BFSP2: variants seen among roughly 807,000 people sequenced by gnomAD.
BFSP2 encodes phakinin.
BFSP2 carries 38 observed loss-of-function variants against 44.9 expected under a neutral mutation model. That is an observed-to-expected ratio of 0.85 (90% CI 0.65 to 1.11). The LOEUF (loss-of-function observed/expected upper bound fraction) is 1.11. Among genes scored for constraint, BFSP2 ranks in the 50% least tolerant of loss-of-function variants. BFSP2 has a pLI of 0.00. For synonymous variants in BFSP2, 197 were observed against 209.9 expected, an observed-to-expected ratio of 0.94 and a Z score of 0.53; for missense variants, 525 against 533.0, an observed-to-expected ratio of 0.99 and a Z score of 0.15.
At chr3:133,448,422 CATTT>C (rs1178550088) in intron 2 of BFSP2, 63 bp from the exon 3 acceptor site, 1 of 1,589,366 alleles carries the variant, frequency 6.3e-7, no homozygotes, top group Non-Finnish European at 8.6e-7. Context: ...CTGTTGGTAA[CATTT>C]ATAATCTGAT....
chr3:133,426,347 C>T (rs2073654328), intron 1 of BFSP2, among the ~76,000 whole-genome samples: 1 of 152,202 alleles, frequency 6.6e-6, no homozygotes, highest in Admixed American at 6.5e-5. Flanking sequence ...ACCTGTCAGG[C>T]ATTGTAAGAG....
intron 1 of BFSP2, among the ~76,000 whole-genome samples, chr3:133,428,225 C>T (rs994248254): frequency 6.6e-6 from 1 of 152,050 alleles, no homozygotes; most frequent in African/African-American, 2.4e-5. Context: ...CTCTTGTGGG[C>T]CACGTAGTAT....
chr3:133,468,183 G>A (rs2699884), intron 5 of BFSP2, among the ~76,000 whole-genome samples: 1 of 151,496 alleles, frequency 6.6e-6, no homozygotes, highest in Non-Finnish European at 1.5e-5. Context: ...TGCCTCCAAA[G>A]AGTTAATGTG....
At chr3:133,459,192 T>G (rs2074040176) in intron 4 of BFSP2, among the ~76,000 whole-genome samples, 1 of 151,830 alleles carries the variant, frequency 6.6e-6, no homozygotes, top group African/African-American at 2.4e-5. Context: ...AAAATGTTTT[T>G]AATTGGTCAG....
rs572154911 is a variant in BFSP2, at chr3:133,402,718, G to C, written c.489+2146G>C. On this transcript the variant is annotated intron_variant, in intron 1 of 6. Transcript: ENST00000302334. ...TGCAGTGGTGCGATCTCAACTCACT[G>C]TAACCTCCACCTCCCGGGTTCAAGC... Among the ~76,000 whole-genome samples, 351 of 148,890 alleles carry C rather than the reference G, an allele frequency of 2.4e-3. 8 individuals are homozygous for C. Among genetic ancestry groups the C allele is most frequent in the Non-Finnish European group, 7.8e-4 (53 of 67,642 alleles).
At chr3:133,448,017 A>G (rs538698521) in intron 2 of BFSP2, among the ~76,000 whole-genome samples, 3 of 152,348 alleles carry the variant, frequency 2.0e-5, no homozygotes, top group East Asian at 3.9e-4. Context: ...CCCTGAAGGC[A>G]TCTGGGTTTG....
chr3:133,442,206 C>G (rs2073852270), intron 1 of BFSP2, among the ~76,000 whole-genome samples: 1 of 152,206 alleles, frequency 6.6e-6, no homozygotes, highest in Admixed American at 6.5e-5. Flanking sequence ...GTGGTGCAAT[C>G]ATAGCTCACT....
chr3:133,425,800 G>GAAATA (rs1340129103), intron 1 of BFSP2, among the ~76,000 whole-genome samples: 68 of 108,944 alleles, frequency 6.2e-4, no homozygotes, highest in African/African-American at 2.1e-3. Flanking sequence ...GAAGGGAAGG[G>GAAATA]AAGAAGGGAA....
intron 5 of BFSP2, among the ~76,000 whole-genome samples, chr3:133,468,412 G>T (rs1000061725): frequency 6.6e-6 from 1 of 152,168 alleles, no homozygotes; most frequent in African/African-American, 2.4e-5. Context: ...TGAATCACTT[G>T]TTCTCTCATT....
intron 6 of BFSP2, among the ~76,000 whole-genome samples, chr3:133,474,492 T>G (rs966700929): frequency 6.6e-6 from 1 of 152,188 alleles, no homozygotes; most frequent in African/African-American, 2.4e-5. Context: ...ATCCAGCTCC[T>G]CTCCAACTGT....
intron 2 of BFSP2, among the ~76,000 whole-genome samples, chr3:133,447,949 G>A (rs932615176): frequency 1.1e-4 from 17 of 152,202 alleles, no homozygotes; most frequent in African/African-American, 4.1e-4. Context: ...GAGCTCACCA[G>A]GTGACTTAAT....
intron 5 of BFSP2, among the ~76,000 whole-genome samples, chr3:133,470,685 A>C (rs2107943973): frequency 6.6e-6 from 1 of 152,330 alleles, no homozygotes; most frequent in South Asian, 2.1e-4. Flanking sequence ...GGCAATCTAC[A>C]CATACCAAGA....
chr3:133,457,153 T>C (rs1263096166), intron 4 of BFSP2, among the ~76,000 whole-genome samples: 1 of 152,242 alleles, frequency 6.6e-6, no homozygotes, highest in Non-Finnish European at 1.5e-5. Flanking sequence ...GCAGGACGCC[T>C]GACAGCATCT....
At chr3:133,472,683 A>G in intron 6 of BFSP2, 118 bp downstream of exon 6, 1 of 1,211,916 alleles carries the variant, frequency 8.3e-7, no homozygotes, top group Non-Finnish European at 1.2e-6. Flanking sequence ...TTCCTCTCAC[A>G]TAGGCACCCA....
chr3:133,447,155 A>G (rs996929271), intron 1 of BFSP2, among the ~76,000 whole-genome samples, 162 bp from the exon 2 acceptor site: 3 of 152,020 alleles, frequency 2.0e-5, no homozygotes, highest in Non-Finnish European at 4.4e-5. Context: ...CCCCACCCTG[A>G]CCATTGTCCA....
intron 4 of BFSP2, 34 bp downstream of exon 4, chr3:133,450,498 C>T: frequency 6.2e-7 from 1 of 1,612,950 alleles, no homozygotes; most frequent in Non-Finnish European, 8.5e-7. Context: ...CCACTCTGCC[C>T]TATGCAGAAG....
chr3:133,439,242 TG>T (rs755204151), intron 1 of BFSP2, among the ~76,000 whole-genome samples: 9 of 152,280 alleles, frequency 5.9e-5, no homozygotes, highest in Non-Finnish European at 1.3e-4. Flanking sequence ...CTGTAAAATG[TG>T]AATTCTGCTT....
At chr3:133,416,572 T>C in intron 1 of BFSP2, among the ~76,000 whole-genome samples, 1 of 118,000 alleles carries the variant, frequency 8.5e-6, no homozygotes, top group African/African-American at 3.6e-5. Flanking sequence ...TCCCCTCTAC[T>C]AACCCCTTCC....
intron 1 of BFSP2, among the ~76,000 whole-genome samples, chr3:133,416,821 C>CCTCTCCCTTCTACTCACCCCTGTT (rs767166728): frequency 7.4e-6 from 1 of 134,430 alleles, no homozygotes; most frequent in East Asian, 2.4e-4. Flanking sequence ...TCACCCCTGT[C>CCTCTCCCTTCTACTCACCCCTGTT]CTCTCCCCTC....
Sources: allele counts gnomAD v4.1 joint callset (sites outside exome capture counted in the v4.1 genomes callset), GRCh38; gene constraint gnomAD v4.1.1; transcripts MANE v1.5; gene names NCBI Gene and HGNC (gene_info 2026-07-23, HGNC 2026-07-21).